Variants in KCNC2 observed in about 807,000 individuals in gnomAD.
The protein encoded by KCNC2 is potassium voltage-gated channel subfamily C member 2, also known as voltage-gated potassium channel KCNC2.
In KCNC2, 21 loss-of-function variants were observed where a neutral mutation model predicts 44.5. That is an observed-to-expected ratio of 0.47 (90% CI 0.33 to 0.68). The LOEUF is 0.68. Ranked by LOEUF, KCNC2 falls within the 30% of genes least tolerant of loss-of-function variation. KCNC2 has a pLI of 0.01. For missense variants in KCNC2, 589 were observed against 826.2 expected, an observed-to-expected ratio of 0.71 and a Z score of 3.52; for synonymous variants, 391 against 339.1, an observed-to-expected ratio of 1.15 and a Z score of -1.68.
rs749078233 is a variant in KCNC2, at chr12:75,048,298, A to G, written c.1635T>C (p.Ser545=). ...HNRSVLSGDD[S]TGSEPPLSPP... Reference sequence around the variant, plus strand: ...GTGATAGTGGCGGCTCACTTCCTGTACTGTCGTCACCTGATAACACTGGTC... The same window carrying G: ...GTGATAGTGGCGGCTCACTTCCTGTGCTGTCGTCACCTGATAACACTGGTC... The change falls in exon 4 of 5, where the codon AGT becomes AGC. Residue 545 remains serine, a synonymous_variant. Transcript: ENST00000549446. 5.0e-6 allele frequency: 8 copies of G among 1,612,036 alleles called. No homozygotes were observed. The highest frequency in any genetic ancestry group is 3.3e-5 in the Admixed American group (2 of 59,764).
At chr12:75,100,527 A>G (rs1300636893) in intron 2 of KCNC2, among the ~76,000 whole-genome samples, 3 of 150,688 alleles carry the variant, frequency 2.0e-5, no homozygotes, top group Non-Finnish European at 4.4e-5. Context: ...AAATTATATC[A>G]TTAAGAAGAT....
intron 2 of KCNC2, among the ~76,000 whole-genome samples, chr12:75,122,607 A>G (rs1023958641): frequency 6.6e-6 from 1 of 152,224 alleles, no homozygotes; most frequent in Non-Finnish European, 1.5e-5. Context: ...ATGTCAAAGC[A>G]TATGAAAATC....
chr12:75,076,324 A>G (rs1299773210), intron 2 of KCNC2, among the ~76,000 whole-genome samples: 1 of 142,442 alleles, frequency 7.0e-6, no homozygotes, highest in Non-Finnish European at 1.5e-5. Flanking sequence ...TTTGTCGCCC[A>G]TGCAGTAGCG....
chr12:75,205,010 C>T (rs1022891784), intron 2 of KCNC2, among the ~76,000 whole-genome samples: 11 of 152,022 alleles, frequency 7.2e-5, no homozygotes, highest in Admixed American at 2.6e-4. Context: ...ATTCCAGGAG[C>T]GAAAGTCCTG....
At chr12:75,202,432 A>T (rs918425226) in intron 2 of KCNC2, among the ~76,000 whole-genome samples, 1 of 151,868 alleles carries the variant, frequency 6.6e-6, no homozygotes, top group African/African-American at 2.4e-5. Flanking sequence ...TTTGACCCTG[A>T]AAAGGTCAAA....
chr12:75,071,571 A>G (rs976712782), intron 2 of KCNC2, among the ~76,000 whole-genome samples: 8 of 152,184 alleles, frequency 5.3e-5, no homozygotes, highest in African/African-American at 1.7e-4. Flanking sequence ...ACCCCACCCA[A>G]TAAAATTTTT....
At chr12:75,169,213 C>T (rs1891653475) in intron 2 of KCNC2, among the ~76,000 whole-genome samples, 1 of 151,488 alleles carries the variant, frequency 6.6e-6, no homozygotes, top group East Asian at 1.9e-4. Flanking sequence ...GAGATTCTTT[C>T]CCAGGTATGA....
intron 2 of KCNC2, among the ~76,000 whole-genome samples, chr12:75,077,194 AC>A (rs1205938082): frequency 6.6e-6 from 1 of 152,140 alleles, no homozygotes; most frequent in Non-Finnish European, 1.5e-5. Flanking sequence ...CCTCATGTAC[AC>A]CACGAGGACT....
chr12:75,161,198 G>A (rs567543947), intron 2 of KCNC2, among the ~76,000 whole-genome samples: 1 of 151,730 alleles, frequency 6.6e-6, no homozygotes, highest in African/African-American at 2.4e-5. Context: ...TGTCATGAAA[G>A]CAATAATAAT....
intron 2 of KCNC2, among the ~76,000 whole-genome samples, chr12:75,098,588 A>G (rs1441358317): frequency 6.6e-6 from 1 of 151,894 alleles, no homozygotes; most frequent in Non-Finnish European, 1.5e-5. Context: ...GTGAAACCCC[A>G]TTTCTACTAA....
At chr12:75,180,351 C>T (rs552800047) in intron 2 of KCNC2, among the ~76,000 whole-genome samples, 6 of 151,548 alleles carry the variant, frequency 4.0e-5, no homozygotes, top group African/African-American at 1.2e-4. Flanking sequence ...ATATATGAAG[C>T]CTCCTATTAG....
intron 2 of KCNC2, among the ~76,000 whole-genome samples, chr12:75,174,204 C>A (rs1352387950): frequency 6.6e-6 from 1 of 150,710 alleles, no homozygotes; most frequent in Non-Finnish European, 1.5e-5. Context: ...ATTTTTTACA[C>A]CGTGTATTTT....
intron 2 of KCNC2, among the ~76,000 whole-genome samples, chr12:75,127,091 G>A (rs1888481708): frequency 6.6e-6 from 1 of 152,106 alleles, no homozygotes; most frequent in Non-Finnish European, 1.5e-5. Flanking sequence ...TTTTGGGTTT[G>A]GCACTTGTCT....
At position 75,207,734 on chromosome 12, in the gene KCNC2, T is replaced by A; in HGVS notation, c.250A>T (p.Asn84Tyr). Reference protein sequence around the residue: ...PGGCFEGGAGNCSSRGGRASD... With the variant: ...PGGCFEGGAGYCSSRGGRASD... ...GCCCTGCCGCCGCGGGAACTGCAGT[T>A]GCCCGCGCCGCCCTCGAAGCAGCCG... The change falls in exon 2 of 5, where the codon AAC becomes TAC. Residue 84 changes from asparagine to tyrosine, a missense_variant. By Grantham distance (143) the Asn-to-Tyr change is moderately radical. Coordinates refer to ENST00000549446, the MANE Select transcript of KCNC2 (RefSeq NM_139137.4). The surrounding 1 kb of genome is among the most constrained non-coding windows in gnomAD (Gnocchi z 4.1). 6.4e-7 allele frequency: 1 copy of A among 1,568,938 alleles called. No homozygotes were observed. Among genetic ancestry groups the A allele is most frequent in the South Asian group, 1.1e-5 (1 of 87,010 alleles).
At chr12:75,092,380 A>G (rs1214167746) in intron 2 of KCNC2, among the ~76,000 whole-genome samples, 2 of 151,700 alleles carry the variant, frequency 1.3e-5, no homozygotes, top group Non-Finnish European at 3.0e-5. Context: ...TTTTCTTGAC[A>G]AAGTTTTGAT....
At chr12:75,201,822 G>T (rs957986447) in intron 2 of KCNC2, among the ~76,000 whole-genome samples, 1 of 151,844 alleles carries the variant, frequency 6.6e-6, no homozygotes, top group Non-Finnish European at 1.5e-5. Context: ...AACCAGAATT[G>T]AATTAAGTTT....
intron 2 of KCNC2, among the ~76,000 whole-genome samples, chr12:75,179,006 A>AAAAC (rs1284357588): frequency 6.6e-6 from 1 of 150,396 alleles, no homozygotes; most frequent in African/African-American, 2.5e-5. Context: ...ACAAACAAAC[A>AAAAC]AAACAGTAGA....
At chr12:75,129,844 A>G (rs1318927683) in intron 2 of KCNC2, among the ~76,000 whole-genome samples, 1 of 152,200 alleles carries the variant, frequency 6.6e-6, no homozygotes, top group Non-Finnish European at 1.5e-5. Flanking sequence ...GAAGGCTGAG[A>G]AATTTATGGC....
rs571073404 is a variant in KCNC2, at chr12:75,171,068, C to A, written c.687+36229G>T. Among the ~76,000 whole-genome samples, 155 of 77,960 alleles carry A rather than the reference C, an allele frequency of 2.0e-3. 1 individual carries two copies. In the African/African-American group the frequency reaches 0.021, roughly 11 times the overall value. 51.1% of individuals were successfully genotyped at this position (77,960 alleles called of 152,430 possible). A position where few individuals can be genotyped will look rare whatever the true frequency, so the allele number is the denominator to read the frequency against. The stretch of plus-strand genomic sequence containing the variant: ...AATATGGCAGCTTACTCCTTCAAAG[C>A]CAGCAGGGGATCTTACTAAATTTGA... On this transcript the variant is annotated intron_variant, in intron 2 of 4. Transcript: ENST00000549446.
Sources: allele counts gnomAD v4.1 joint callset (sites outside exome capture counted in the v4.1 genomes callset), GRCh38; gene constraint gnomAD v4.1.1; non-coding constraint Gnocchi (gnomAD v3.1); transcripts MANE v1.5; gene names NCBI Gene and HGNC (gene_info 2026-07-23, HGNC 2026-07-21).